Variants in NUFIP1 observed in about 807,000 individuals in gnomAD.
The protein encoded by NUFIP1 is nuclear FMR1 interacting protein 1.
NUFIP1 carries 38 observed loss-of-function variants against 56.2 expected under a neutral mutation model. The observed-to-expected ratio is 0.68, with a 90% confidence interval of 0.52 to 0.89. The LOEUF (loss-of-function observed/expected upper bound fraction) is 0.89, where lower values mean the gene tolerates loss of function less well. Among genes scored for constraint, NUFIP1 ranks in the 40% least tolerant of loss-of-function variants. NUFIP1 has a pLI of 0.00. For missense variants in NUFIP1, 567 were observed against 605.8 expected, an observed-to-expected ratio of 0.94 and a Z score of 0.67; for synonymous variants, 215 against 212.4, an observed-to-expected ratio of 1.01 and a Z score of -0.10.
intron 8 of NUFIP1, among the ~76,000 whole-genome samples, chr13:44,946,008 T>C (rs1348397454): frequency 2.6e-5 from 4 of 152,122 alleles, no homozygotes; most frequent in Non-Finnish European, 2.9e-5. Flanking sequence ...TTCCATCATT[T>C]ACTAGCTGTG....
intron 1 of NUFIP1, among the ~76,000 whole-genome samples, chr13:44,987,836 G>C (rs1271621856): frequency 1.3e-5 from 2 of 152,098 alleles, no homozygotes; most frequent in Non-Finnish European, 2.9e-5. Flanking sequence ...ATGTCAATCC[G>C]CTGTACTACC....
intron 6 of NUFIP1, among the ~76,000 whole-genome samples, chr13:44,961,053 A>G (rs961453537): frequency 5.9e-5 from 8 of 135,026 alleles, no homozygotes; most frequent in Non-Finnish European, 1.3e-4. Flanking sequence ...CTGTCTCCAG[A>G]AAAAAAAAAA....
chr13:44,954,873 GT>G (rs1871175280), intron 7 of NUFIP1, among the ~76,000 whole-genome samples: 1 of 152,130 alleles, frequency 6.6e-6, no homozygotes, highest in Admixed American at 6.5e-5. Context: ...AACAACCTAG[GT>G]TACGTGAGTG....
intron 5 of NUFIP1, among the ~76,000 whole-genome samples, chr13:44,970,340 G>A (rs1290375819): frequency 6.6e-6 from 1 of 152,158 alleles, no homozygotes; most frequent in African/African-American, 2.4e-5. Flanking sequence ...GTAGAAGTAA[G>A]GACAAAGATG....
At chr13:44,951,548 T>C (rs909836977) in intron 7 of NUFIP1, among the ~76,000 whole-genome samples, 1 of 152,250 alleles carries the variant, frequency 6.6e-6, no homozygotes, top group Non-Finnish European at 1.5e-5. Context: ...AGTGTCTTTA[T>C]GGTCCACAAT....
intron 7 of NUFIP1, among the ~76,000 whole-genome samples, chr13:44,952,288 C>T (rs913281604): frequency 7.9e-5 from 12 of 152,098 alleles, no homozygotes; most frequent in African/African-American, 2.9e-4. Context: ...CCACACCAGG[C>T]TAATTTTTGT....
intron 8 of NUFIP1, 68 bp from the exon 9 acceptor site, chr13:44,943,742 C>A: frequency 1.7e-6 from 2 of 1,175,740 alleles, no homozygotes; most frequent in Non-Finnish European, 1.2e-6. Context: ...CTTTCAAAAG[C>A]AACCAACAAA....
At position 44,965,246 on chromosome 13, in the gene NUFIP1, C is replaced by A. The variant is rs141591252; in HGVS notation, c.827+598G>T. 9.2e-5 allele frequency among the ~76,000 whole-genome samples: 14 copies of A among 152,350 alleles called. No individual in the cohort carries two copies. The East Asian group carries it at 2.7e-3, about 29-fold the overall frequency. On this transcript the variant is annotated intron_variant, in intron 6 of 9. Transcript: ENST00000379161. Reference sequence around the variant, plus strand: ...GATGTGACTTGCCCCTCTTTGCCTTCTTCCACAATTGTGAGGCTTCCCCAG... The same window carrying A: ...GATGTGACTTGCCCCTCTTTGCCTTATTCCACAATTGTGAGGCTTCCCCAG...
chr13:44,984,747 T>G (rs1381590582), intron 1 of NUFIP1, among the ~76,000 whole-genome samples: 1 of 152,202 alleles, frequency 6.6e-6, no homozygotes, highest in East Asian at 1.9e-4. Context: ...TTAGGGTACG[T>G]GTGCACAATG....
At chr13:44,972,459 A>G (rs781634331) in intron 5 of NUFIP1, among the ~76,000 whole-genome samples, 15 of 152,246 alleles carry the variant, frequency 9.9e-5, no homozygotes, top group Non-Finnish European at 1.9e-4. Flanking sequence ...GTATGAATAT[A>G]AGAACAAAAA....
chr13:44,975,311 A>G (rs1211710348), intron 5 of NUFIP1, among the ~76,000 whole-genome samples: 2 of 152,152 alleles, frequency 1.3e-5, no homozygotes, highest in African/African-American at 4.8e-5. Context: ...CAACATCTTC[A>G]AATAGATGCC....
At position 44,989,405 on chromosome 13, in the gene NUFIP1, G is replaced by A. The variant is rs200428639; in HGVS notation, c.32C>T (p.Pro11Leu). The part of the protein sequence containing the change: MAEPTSDFET[P>L]IGWHASPELT... ...CTCGGGAGACGCATGCCACCCGATA[G>A]GAGTCTCGAAATCACTAGTCGGCTC... The change falls in exon 1 of 10, where the codon CCT becomes CTT. Residue 11 changes from proline to leucine, a missense_variant. Pro to Leu is a moderately conservative substitution (Grantham distance 98, BLOSUM62 -3). Transcript: ENST00000379161. 7 of 1,613,696 alleles carry A rather than the reference G, an allele frequency of 4.3e-6. No individual in the cohort carries two copies. Among genetic ancestry groups the A allele is most frequent in the Middle Eastern group, 3.3e-4 (2 of 6,060 alleles).
chr13:44,949,936 G>GA, intron 7 of NUFIP1, 98 bp from the exon 8 acceptor site: 1 of 794,888 alleles, frequency 1.3e-6, no homozygotes, highest in South Asian at 1.4e-5. Flanking sequence ...AGTAATTTCT[G>GA]ATCATTTCCT....
rs1038521657 is a variant in NUFIP1 at position 44,940,722 on chromosome 13, C to T, written c.*484G>A. The T allele has an allele frequency of 2.0e-5, 3 of 152,290 alleles. No homozygotes were observed. Among genetic ancestry groups the T allele is most frequent in the African/African-American group, 7.2e-5 (3 of 41,442 alleles). The allele number at this position is 152,290 out of a possible 1,614,324, so 9.4% of individuals were successfully genotyped here. A position where few individuals can be genotyped will look rare whatever the true frequency, so the allele number is the denominator to read the frequency against. On this transcript the variant is annotated 3_prime_UTR_variant, in exon 10 of 10. Coordinates refer to ENST00000379161, the MANE Select transcript of NUFIP1 (RefSeq NM_012345.3). ...TCTTAAATAAGGAATATTTACATTT[C>T]GAAACCTTCTGATTGTATTAATTTG... is the stretch of plus-strand genomic sequence containing the variant.
At chr13:44,954,568 A>G (rs1329265093) in intron 7 of NUFIP1, among the ~76,000 whole-genome samples, 1 of 152,152 alleles carries the variant, frequency 6.6e-6, no homozygotes, top group East Asian at 1.9e-4. Context: ...AAAGCTTCCT[A>G]TCTGGCTTCT....
intron 7 of NUFIP1, among the ~76,000 whole-genome samples, chr13:44,958,672 G>A (rs1290761105): frequency 6.6e-6 from 1 of 152,042 alleles, no homozygotes; most frequent in African/African-American, 2.4e-5. Flanking sequence ...TAATCTTTGG[G>A]TATTCCTTTG....
At chr13:44,944,039 A>C (rs950390304) in intron 8 of NUFIP1, among the ~76,000 whole-genome samples, 2 of 152,182 alleles carry the variant, frequency 1.3e-5, no homozygotes, top group South Asian at 2.1e-4. Context: ...TTTAAAACTA[A>C]AGCAAAAATA....
intron 5 of NUFIP1, among the ~76,000 whole-genome samples, chr13:44,974,932 GGA>G (rs1019047340): frequency 6.6e-6 from 1 of 152,198 alleles, no homozygotes; most frequent in Admixed American, 6.5e-5. Context: ...GAAAGGCCAA[GGA>G]GTAATCATCT....
At chr13:44,985,206 C>G (rs1425913807) in intron 1 of NUFIP1, among the ~76,000 whole-genome samples, 1 of 152,228 alleles carries the variant, frequency 6.6e-6, no homozygotes, top group Admixed American at 6.5e-5. Flanking sequence ...AAAGCCTATT[C>G]AATATCTCTA....
Sources: allele counts gnomAD v4.1 joint callset (sites outside exome capture counted in the v4.1 genomes callset), GRCh38; gene constraint gnomAD v4.1.1; transcripts MANE v1.5; gene names NCBI Gene and HGNC (gene_info 2026-07-23, HGNC 2026-07-21).